Variants in GRWD1 observed in about 807,000 individuals in gnomAD.
The protein encoded by GRWD1 is glutamate-rich WD repeat-containing protein 1.
GRWD1 carries 29 observed loss-of-function variants against 45.3 expected under a neutral mutation model. That is an observed-to-expected ratio of 0.64 (90% CI 0.48 to 0.87). The LOEUF (loss-of-function observed/expected upper bound fraction) is 0.87, where lower values mean the gene tolerates loss of function less well. GRWD1 is among the 40% of genes least tolerant of loss of function. The probability of loss-of-function intolerance (pLI) is 0.00; values close to 1 mark genes in which losing one functional copy is unlikely to be tolerated. For missense variants in GRWD1, 592 were observed against 618.8 expected, an observed-to-expected ratio of 0.96 and a Z score of 0.46; for synonymous variants, 262 against 257.6, an observed-to-expected ratio of 1.02 and a Z score of -0.16.
Position 48,450,511 on chromosome 19 carries a change from T to TC in GRWD1, c.673dup (p.Arg225ProfsTer10), listed in dbSNP as rs770573431. ...GGGCGAGGGCTTTGCCCTTGACTGGTCCCCCCGGGTGACCGGTGAGTCCCT... is the reference window on the plus strand; with the variant it reads ...GGGCGAGGGCTTTGCCCTTGACTGGTCCCCCCCGGGTGACCGGTGAGTCCCT... On this transcript the variant is annotated frameshift_variant, in exon 4 of 7. Transcript: ENST00000253237. LOFTEE classifies it high-confidence loss of function. This position sits in a 1 kb window ranked among gnomAD's most constrained non-coding sequence, Gnocchi z 5.1. The TC allele has an allele frequency of 6.2e-6, 10 of 1,613,980 alleles. No individual in the cohort carries two copies. The East Asian group carries it at 2.2e-4, about 36-fold the overall frequency.
rs771387893 is a variant in GRWD1, at chr19:48,452,930, G to A, written c.1246G>A (p.Glu416Lys). Residue 416 changes from glutamate to lysine, a missense_variant, in exon 7 of 7, where the codon GAG (glutamate) becomes AAG (lysine). By Grantham distance (56) the Glu-to-Lys change is moderately conservative (BLOSUM62 1). Transcript: ENST00000253237. The surrounding 1 kb of genome is among the most constrained non-coding windows in gnomAD (Gnocchi z 5.1). ...QLLFVHQGET[E>K]LKELHWHPQC... The stretch of plus-strand genomic sequence containing the variant: ...GCTGTTCGTGCACCAGGGCGAGACC[G>A]AGCTGAAGGAGCTGCACTGGCACCC... 4.7e-5 allele frequency: 75 copies of A among 1,611,728 alleles called. No individual in the cohort carries two copies. Among genetic ancestry groups the A allele is most frequent in the Middle Eastern group, 1.6e-4 (1 of 6,084 alleles).
chr19:48,450,244 G>A lies in GRWD1; in HGVS notation c.469-69G>A, dbSNP rs988487379. The stretch of plus-strand genomic sequence containing the variant: ...TCTGGTTCTCTGGGATATGGGGAGC[G>A]TGGGGTCAGTGCCTTGATCCTCCTC... On this transcript the variant is annotated intron_variant, in intron 3 of 6. Coordinates refer to ENST00000253237, the MANE Select transcript of GRWD1 (RefSeq NM_031485.4). The surrounding 1 kb of genome is among the most constrained non-coding windows in gnomAD (Gnocchi z 5.1). 1.7e-5 allele frequency: 21 copies of A among 1,235,750 alleles called. No individual in the cohort carries two copies. The highest frequency in any genetic ancestry group is 1.2e-4 in the Admixed American group (6 of 50,690). The allele number at this position is 1,235,750 out of a possible 1,614,324, so 76.5% of individuals were successfully genotyped here.
chr19:48,446,286 G>A (rs1971401001), intron 1 of GRWD1, 94 bp downstream of exon 1: 3 of 1,562,466 alleles, frequency 1.9e-6, no homozygotes, highest in Non-Finnish European at 2.6e-6. Flanking sequence ...GGGTCTAAGA[G>A]AAGTGATTTC....
chr19:48,450,769 C>T lies in GRWD1; in HGVS notation c.786C>T (p.Arg262=). The T allele has an allele frequency of 6.2e-7, 1 of 1,614,064 alleles. No homozygotes were observed. The highest frequency in any genetic ancestry group is 1.1e-5 in the South Asian group (1 of 91,074). Residue 262 remains arginine, a synonymous_variant, in exon 5 of 7, where the codon CGC becomes CGT. Transcript: ENST00000253237. This position sits in a 1 kb window ranked among gnomAD's most constrained non-coding sequence, Gnocchi z 5.1. ...AGCGGCCATTCGTGGGCCACACACGCTCTGTGGAGGACCTGCAGTGGTCAC... is the reference window on the plus strand; with the variant it reads ...AGCGGCCATTCGTGGGCCACACACGTTCTGTGGAGGACCTGCAGTGGTCAC... The part of the protein sequence containing the change: ...VDQRPFVGHT[R]SVEDLQWSPT...
Position 48,450,470 on chromosome 19 carries a change from C to T in GRWD1, c.626C>T (p.Ser209Phe), listed in dbSNP as rs1035987213. 1 of 1,614,098 alleles carries T rather than the reference C, an allele frequency of 6.2e-7. No homozygotes were observed. ...DEQAQMKPIFSFAGHMGEGFA... is the reference protein window; with the variant it reads ...DEQAQMKPIFFFAGHMGEGFA... Reference sequence around the variant, plus strand: ...CAGGCCCAAATGAAGCCCATCTTCTCCTTCGCTGGACACATGGGCGAGGGC... The same window carrying T: ...CAGGCCCAAATGAAGCCCATCTTCTTCTTCGCTGGACACATGGGCGAGGGC... The change falls in exon 4 of 7, where the codon TCC becomes TTC. Residue 209 changes from serine (S) to phenylalanine (F), a missense_variant. Coordinates refer to ENST00000253237, the MANE Select transcript of GRWD1 (RefSeq NM_031485.4). The surrounding 1 kb of genome is among the most constrained non-coding windows in gnomAD (Gnocchi z 5.1).
In GRWD1 at chr19:48,452,101, T is replaced by C. The variant is rs1245064839; in HGVS notation, c.1024-607T>C. Among the ~76,000 whole-genome samples the C allele has an allele frequency of 2.0e-5, 3 of 151,124 alleles. No individual in the cohort carries two copies. The highest frequency in any genetic ancestry group is 2.9e-5 in the Non-Finnish European group (2 of 67,836). On this transcript the variant is annotated intron_variant, in intron 6 of 6. Coordinates refer to ENST00000253237, the MANE Select transcript of GRWD1 (RefSeq NM_031485.4). This position sits in a 1 kb window ranked among gnomAD's most constrained non-coding sequence, Gnocchi z 5.1. ...CCCTCCTTTTTTTCTTTTTTTTTTT[T>C]TTTTTCTTTTTTTTTGCGATGGAGT...
rs34470836 is a variant in GRWD1 at position 48,452,718 on chromosome 19, C to T, written c.1034C>T (p.Pro345Leu). 1.3e-6 allele frequency: 2 copies of T among 1,569,352 alleles called. No homozygotes were observed. The highest frequency in any genetic ancestry group is 1.2e-5 in the South Asian group (1 of 84,906). Residue 345 changes from proline (P) to leucine (L), a missense_variant, in exon 7 of 7, where the codon CCA becomes CTA. Pro to Leu is a moderately conservative substitution (Grantham distance 98, BLOSUM62 -3). Transcript: ENST00000253237. The surrounding 1 kb of genome is among the most constrained non-coding windows in gnomAD (Gnocchi z 5.1). ...ATCCTCTCCCTCTAGTCTGGTTCCC[C>T]AGTGGCCACCTTCAAGCAGCACGTG... is the stretch of plus-strand genomic sequence containing the variant. The part of the protein sequence containing the change: ...WDLRQFKSGS[P>L]VATFKQHVAP...
chr19:48,450,968 C>A lies in GRWD1; in HGVS notation c.826-66C>A. 1 of 1,538,478 alleles carries A rather than the reference C, an allele frequency of 6.5e-7. No individual in the cohort carries two copies. The highest frequency in any genetic ancestry group is 8.9e-7 in the Non-Finnish European group (1 of 1,126,688). ...AACAGTGAAAGAGAGAGTAGCCCAC[C>A]GCTGGCGCTTGGGCTTCACTGCGGG... On this transcript the variant is annotated intron_variant, in intron 5 of 6. Coordinates refer to ENST00000253237, the MANE Select transcript of GRWD1 (RefSeq NM_031485.4). This position sits in a 1 kb window ranked among gnomAD's most constrained non-coding sequence, Gnocchi z 5.1.
At position 48,450,245 on chromosome 19, in the gene GRWD1, TG is replaced by T; in HGVS notation, c.469-64del. 8.1e-7 allele frequency: 1 copy of T among 1,237,986 alleles called. No individual in the cohort carries two copies. 76.7% of individuals were successfully genotyped at this position (1,237,986 alleles called of 1,614,324 possible). On this transcript the variant is annotated intron_variant, in intron 3 of 6. Coordinates refer to ENST00000253237, the MANE Select transcript of GRWD1 (RefSeq NM_031485.4). The surrounding 1 kb of genome is among the most constrained non-coding windows in gnomAD (Gnocchi z 5.1). ...CTGGTTCTCTGGGATATGGGGAGCG[TG>T]GGGTCAGTGCCTTGATCCTCCTCTC...
chr19:48,455,753 C>G lies in GRWD1; in HGVS notation c.*2728C>G. 1 of 152,276 alleles carries G rather than the reference C, an allele frequency of 6.6e-6. No homozygotes were observed. Among genetic ancestry groups the G allele is most frequent in the East Asian group, 1.9e-4 (1 of 5,180 alleles). 9.4% of individuals were successfully genotyped at this position (152,276 alleles called of 1,614,324 possible). ...AGGCTTAGGACCCAACCAGCATTCC[C>G]CCTGGCACTGCGGGGGCCTGGCCAG... On this transcript the variant is annotated 3_prime_UTR_variant, in exon 7 of 7. Coordinates refer to ENST00000253237, the MANE Select transcript of GRWD1 (RefSeq NM_031485.4).
In GRWD1 at chr19:48,451,031, C is replaced by G; in HGVS notation, c.826-3C>G. 6.2e-7 allele frequency: 1 copy of G among 1,612,290 alleles called. No individual in the cohort carries two copies. The highest frequency in any genetic ancestry group is 8.5e-7 in the Non-Finnish European group (1 of 1,179,116). On this transcript the variant is annotated splice_region_variant and splice_polypyrimidine_tract_variant and intron_variant, in intron 5 of 6. Transcript: ENST00000253237. ...GGGACCACTCAGACTCCGCCTCCCC[C>G]AGGTGTTTGCCTCCTGCTCAGCTGA...
Position 48,452,390 on chromosome 19 carries a change from A to G in GRWD1, c.1024-318A>G, listed in dbSNP as rs992292483. Among the ~76,000 whole-genome samples, 5 of 151,458 alleles carry G rather than the reference A, an allele frequency of 3.3e-5. 1 individual carries two copies. The highest frequency in any genetic ancestry group is 4.2e-4 in the South Asian group (2 of 4,794). ...TGAGATTACAGTCGTGAGCCACCGC[A>G]CCCAGCCCATGCCCTCCTTTTACAA... On this transcript the variant is annotated intron_variant, in intron 6 of 6. Transcript: ENST00000253237. This position sits in a 1 kb window ranked among gnomAD's most constrained non-coding sequence, Gnocchi z 5.1.
Position 48,452,978 on chromosome 19 carries a change from A to G in GRWD1, c.1294A>G (p.Ser432Gly), listed in dbSNP as rs1473912897. ...CCCGCAGTGCCCAGGGCTCCTGGTC[A>G]GCACGGCGCTGTCAGGCTTCACCAT... ...WHPQCPGLLV[S>G]TALSGFTIFR... Residue 432 changes from serine (S) to glycine (G), a missense_variant, in exon 7 of 7, where the codon AGC (serine) becomes GGC (glycine). Physicochemically the swap from Ser to Gly is moderately conservative, Grantham distance 56. Transcript: ENST00000253237. This position sits in a 1 kb window ranked among gnomAD's most constrained non-coding sequence, Gnocchi z 5.1. The G allele has an allele frequency of 6.2e-7, 1 of 1,603,832 alleles. No homozygotes were observed. Among genetic ancestry groups the G allele is most frequent in the African/African-American group, 1.3e-5 (1 of 74,750 alleles).
Position 48,455,326 on chromosome 19 carries a change from AGGTGGGGAGTGGTGGGGAACACCCCT to A in GRWD1, c.*2305_*2330del, listed in dbSNP as rs1971526106. The A allele has an allele frequency of 6.8e-6, 1 of 146,140 alleles. No individual in the cohort carries two copies. Among genetic ancestry groups the A allele is most frequent in the Non-Finnish European group, 1.5e-5 (1 of 66,216 alleles). The allele number at this position is 146,140 out of a possible 1,614,324, so 9.1% of individuals were successfully genotyped here. On this transcript the variant is annotated 3_prime_UTR_variant, in exon 7 of 7. Coordinates refer to ENST00000253237, the MANE Select transcript of GRWD1 (RefSeq NM_031485.4). ...AACCTGCTGTCCAGCCCCCACCAGTAGGTGGGGAGTGGTGGGGAACACCCCTGGTTTCGGAAGAGTGAGAGTGTTGA... is the reference window on the plus strand; with the variant it reads ...AACCTGCTGTCCAGCCCCCACCAGTAGGTTTCGGAAGAGTGAGAGTGTTGA...
Position 48,452,634 on chromosome 19 carries a change from G to C in GRWD1, c.1024-74G>C. The C allele has an allele frequency of 7.8e-7, 1 of 1,286,592 alleles. No individual in the cohort carries two copies. Among genetic ancestry groups the C allele is most frequent in the Non-Finnish European group, 1.1e-6 (1 of 923,254 alleles). The allele number at this position is 1,286,592 out of a possible 1,614,324, so 79.7% of individuals were successfully genotyped here. A position where few individuals can be genotyped will look rare whatever the true frequency, so the allele number is the denominator to read the frequency against. On this transcript the variant is annotated intron_variant, in intron 6 of 6. Transcript: ENST00000253237. This position sits in a 1 kb window ranked among gnomAD's most constrained non-coding sequence, Gnocchi z 5.1. ...GAACCCTGAGGCTGGAGAAGGGTTGGGGCTTCTGCCTGGGTCCTCCCCAGA... is the reference window on the plus strand; with the variant it reads ...GAACCCTGAGGCTGGAGAAGGGTTGCGGCTTCTGCCTGGGTCCTCCCCAGA...
chr19:48,448,766 G>C (rs772422023), intron 3 of GRWD1, among the ~76,000 whole-genome samples: 1 of 152,218 alleles, frequency 6.6e-6, no homozygotes, highest in African/African-American at 2.4e-5. Flanking sequence ...AAGCGGGAGT[G>C]TCCAGTCTGT....
At chr19:48,448,512 G>A (rs1039063715) in intron 3 of GRWD1, among the ~76,000 whole-genome samples, 3 of 152,200 alleles carry the variant, frequency 2.0e-5, no homozygotes, top group Non-Finnish European at 2.9e-5. Context: ...TGTGTACCAT[G>A]TCCAAAGGTG....
Position 48,452,998 on chromosome 19 carries a change from C to T in GRWD1, c.1314C>T (p.Phe438=), listed in dbSNP as rs778141891. 3.8e-6 allele frequency: 6 copies of T among 1,594,978 alleles called. No homozygotes were observed. Among genetic ancestry groups the T allele is most frequent in the South Asian group, 2.2e-5 (2 of 90,404 alleles). ...TGGTCAGCACGGCGCTGTCAGGCTT[C>T]ACCATCTTCCGCACCATCAGCGTCT... is the stretch of plus-strand genomic sequence containing the variant. ...GLLVSTALSG[F]TIFRTISV Residue 438 remains phenylalanine, a synonymous_variant, in exon 7 of 7, where the codon TTC becomes TTT. Transcript: ENST00000253237. This position sits in a 1 kb window ranked among gnomAD's most constrained non-coding sequence, Gnocchi z 5.1.
In GRWD1 at chr19:48,452,659, A is replaced by C. The variant is rs764863821; in HGVS notation, c.1024-49A>C. 8.8e-6 allele frequency: 13 copies of C among 1,471,826 alleles called. No homozygotes were observed. In the African/African-American group the frequency reaches 1.5e-4, roughly 17 times the overall value. 91.2% of individuals were successfully genotyped at this position (1,471,826 alleles called of 1,614,324 possible). A position where few individuals can be genotyped will look rare whatever the true frequency, so the allele number is the denominator to read the frequency against. ...GGGCTTCTGCCTGGGTCCTCCCCAG[A>C]GTCAGGCTGAGGCATTCAGAGCCCG... On this transcript the variant is annotated intron_variant, in intron 6 of 6. Coordinates refer to ENST00000253237, the MANE Select transcript of GRWD1 (RefSeq NM_031485.4). The surrounding 1 kb of genome is among the most constrained non-coding windows in gnomAD (Gnocchi z 5.1).
Sources: gnomAD v4.1 joint callset for allele counts (sites outside exome capture counted in the v4.1 genomes callset) on GRCh38, gnomAD v4.1.1 for gene constraint, Gnocchi (gnomAD v3.1) non-coding constraint, MANE v1.5 for transcripts, NCBI Gene and HGNC (gene_info 2026-07-23, HGNC 2026-07-21) for gene names.